The following MYT1L variants were observed in gnomAD, a reference collection of about 807,000 sequenced individuals.
The protein encoded by MYT1L is myelin transcription factor 1 like.
In MYT1L, 12 loss-of-function variants were observed where a neutral mutation model predicts 126.7. The observed-to-expected ratio is 0.09, with a 90% confidence interval of 0.06 to 0.15. The LOEUF is 0.15. MYT1L is among the 10% of genes least tolerant of loss of function. MYT1L has a pLI of 1.00. For synonymous variants in MYT1L, 541 were observed against 604.2 expected, an observed-to-expected ratio of 0.90 and a Z score of 1.53; for missense variants, 979 against 1,585.2, an observed-to-expected ratio of 0.62 and a Z score of 6.49.
chr2:1,858,017 C>G (rs2044129589), intron 18 of MYT1L, among the ~76,000 whole-genome samples: 1 of 152,284 alleles, frequency 6.6e-6, no homozygotes, highest in African/African-American at 2.4e-5. Flanking sequence ...CATGCACCAC[C>G]ATACCCAGCT....
At chr2:2,105,229 G>A (rs1169833242) in intron 3 of MYT1L, among the ~76,000 whole-genome samples, 6 of 152,074 alleles carry the variant, frequency 3.9e-5, no homozygotes, top group East Asian at 1.9e-4. Flanking sequence ...ATGGATCCCC[G>A]GCAGCGTGGA....
chr2:2,262,939 G>GATATATATATATAT lies in MYT1L; in HGVS notation c.-421+21451_-421+21464dup, dbSNP rs60682131. 7.8e-3 allele frequency among the ~76,000 whole-genome samples: 405 copies of GATATATATATATAT among 51,632 alleles called. 33 individuals are homozygous for GATATATATATATAT. Among genetic ancestry groups the GATATATATATATAT allele is most frequent in the African/African-American group, 0.026 (297 of 11,534 alleles). The allele number at this position is 51,632 out of a possible 152,430, so 33.9% of individuals were successfully genotyped here. A position where few individuals can be genotyped will look rare whatever the true frequency, so the allele number is the denominator to read the frequency against. ...AAATATATATATATATATAACCTGT[G>GATATATATATATAT]ATATATATATATATATCACAGGTAA... is the stretch of plus-strand genomic sequence containing the variant. On this transcript the variant is annotated intron_variant, in intron 2 of 24. Transcript: ENST00000647738.
chr2:2,298,861 T>C lies in MYT1L; in HGVS notation c.-520-14358A>G, dbSNP rs151041055. ...TGTGTTTATTTTTTTATTTTATTAT[T>C]ATTATTTTTTGAGACAGTGTCTCGC... On this transcript the variant is annotated intron_variant, in intron 1 of 24. Transcript: ENST00000647738. Among the ~76,000 whole-genome samples, 270 of 152,224 alleles carry C rather than the reference T, an allele frequency of 1.8e-3. 3 individuals carry two copies. Among genetic ancestry groups the C allele is most frequent in the African/African-American group, 6.3e-3 (263 of 41,534 alleles).
intron 18 of MYT1L, among the ~76,000 whole-genome samples, chr2:1,857,172 G>A (rs1435499098): frequency 1.3e-5 from 2 of 152,204 alleles, no homozygotes; most frequent in Non-Finnish European, 2.9e-5. Flanking sequence ...CATCTTACAG[G>A]AGCATGACTG....
At chr2:1,857,300 T>C (rs554390138) in intron 18 of MYT1L, among the ~76,000 whole-genome samples, 1 of 152,354 alleles carries the variant, frequency 6.6e-6, no homozygotes, top group African/African-American at 2.4e-5. Context: ...ATTTATTTTT[T>C]TTAAAAGTCT....
At position 2,225,596 on chromosome 2, in the gene MYT1L, C is replaced by T. The variant is rs572878879; in HGVS notation, c.-420-52608G>A. ...TAATTCCAGCACAGATTTACTACAC[C>T]GTGGTCTCTCCTGGGCTGTCCCACA... On this transcript the variant is annotated intron_variant, in intron 2 of 24. Coordinates refer to ENST00000647738, the MANE Select transcript of MYT1L (RefSeq NM_001303052.2). Among the ~76,000 whole-genome samples the T allele has an allele frequency of 5.3e-4, 80 of 152,236 alleles. 1 individual carries two copies. The South Asian group carries it at 8.1e-3, about 15-fold the overall frequency.
intron 9 of MYT1L, among the ~76,000 whole-genome samples, chr2:1,940,687 G>A (rs2056544395): frequency 6.6e-6 from 1 of 152,244 alleles, no homozygotes; most frequent in South Asian, 2.1e-4. Flanking sequence ...TGTCATAGGT[G>A]ATAATAGAAG....
At chr2:1,856,962 G>A (rs571724920) in intron 18 of MYT1L, among the ~76,000 whole-genome samples, 58 of 152,308 alleles carry the variant, frequency 3.8e-4, no homozygotes, top group South Asian at 1.2e-3. Flanking sequence ...TTAGACACAC[G>A]TGTTGAACAC....
chr2:2,075,260 T>C (rs1398511993), intron 3 of MYT1L, among the ~76,000 whole-genome samples: 6 of 152,218 alleles, frequency 3.9e-5, no homozygotes, highest in African/African-American at 1.2e-4. Flanking sequence ...TTCCTTGTGA[T>C]AGACGTTCTT....
At chr2:2,031,528 G>A (rs1250265616) in intron 4 of MYT1L, among the ~76,000 whole-genome samples, 1 of 142,692 alleles carries the variant, frequency 7.0e-6, no homozygotes, top group Non-Finnish European at 1.5e-5. Context: ...CCCCTCCCAA[G>A]TGCCTCTCAT....
intron 11 of MYT1L, among the ~76,000 whole-genome samples, chr2:1,916,223 T>C (rs1389991387): frequency 1.3e-5 from 2 of 152,224 alleles, no homozygotes; most frequent in African/African-American, 4.8e-5. Flanking sequence ...CAAATGCTCC[T>C]GAGAACGTTT....
Position 1,840,900 on chromosome 2 carries a change from C to T in MYT1L, c.2775-57G>A, listed in dbSNP as rs113377187. 2,290 of 758,358 alleles carry T rather than the reference C, an allele frequency of 3.0e-3. 59 individuals are homozygous for T. The African/African-American group carries it at 0.044, about 14-fold the overall frequency. 47.0% of individuals were successfully genotyped at this position (758,358 alleles called of 1,614,324 possible). On this transcript the variant is annotated intron_variant, in intron 19 of 24. Transcript: ENST00000647738. ...CACACCGTTGATTTCAGTGAGCTTT[C>T]TTTCTTTTTTTTTTTTTTTTTGAGA...
intron 1 of MYT1L, among the ~76,000 whole-genome samples, chr2:2,294,476 A>C (rs764680632): frequency 6.6e-6 from 1 of 152,188 alleles, no homozygotes; most frequent in East Asian, 1.9e-4. Context: ...CGCCTGATGC[A>C]GTTCATCTGA....
chr2:1,919,001 T>C (rs891247246), intron 10 of MYT1L, among the ~76,000 whole-genome samples: 1 of 152,198 alleles, frequency 6.6e-6, no homozygotes, highest in Non-Finnish European at 1.5e-5. Flanking sequence ...CTGACAATCA[T>C]AAACTTGAGA....
chr2:2,003,078 T>C (rs566270524), intron 4 of MYT1L, among the ~76,000 whole-genome samples: 225 of 152,238 alleles, frequency 1.5e-3, no homozygotes, highest in African/African-American at 5.1e-3. Context: ...AGAACCAATC[T>C]ATGCCTCCAC....
chr2:1,961,500 C>A (rs978459464), intron 8 of MYT1L, among the ~76,000 whole-genome samples: 1 of 152,146 alleles, frequency 6.6e-6, no homozygotes, highest in South Asian at 2.1e-4. Flanking sequence ...AGTTCTTGCT[C>A]AGAACTGACA....
At position 2,032,488 on chromosome 2, in the gene MYT1L, C is replaced by T. The variant is rs577031554; in HGVS notation, c.-158+21490G>A. Among the ~76,000 whole-genome samples, 972 of 114,500 alleles carry T rather than the reference C, an allele frequency of 8.5e-3. 12 individuals are homozygous for T. The highest frequency in any genetic ancestry group is 0.031 in the African/African-American group (907 of 29,036). The allele number at this position is 114,500 out of a possible 152,430, so 75.1% of individuals were successfully genotyped here. ...AAGGAGGGCCTTACACACACCCCTC[C>T]CCAGTGCCTCTCATCCTGTGGCCCA... On this transcript the variant is annotated intron_variant, in intron 4 of 24. Transcript: ENST00000647738.
intron 1 of MYT1L, among the ~76,000 whole-genome samples, chr2:2,313,240 G>T (rs1176855120): frequency 6.6e-6 from 1 of 151,042 alleles, no homozygotes; most frequent in African/African-American, 2.4e-5. Context: ...TCAGTACATT[G>T]CTTTCTGAAG....
chr2:2,237,673 G>T (rs1862111), intron 2 of MYT1L, among the ~76,000 whole-genome samples: 2 of 152,128 alleles, frequency 1.3e-5, no homozygotes, highest in African/African-American at 4.8e-5. Context: ...TGGGTGCCAG[G>T]CCCCTTTACA....
Sources: gnomAD v4.1 joint callset for allele counts (sites outside exome capture counted in the v4.1 genomes callset) on GRCh38, gnomAD v4.1.1 for gene constraint, MANE v1.5 for transcripts, NCBI Gene and HGNC (gene_info 2026-07-23, HGNC 2026-07-21) for gene names.